ARMH1: variants seen among roughly 807,000 people sequenced by gnomAD.
The protein encoded by ARMH1 is armadillo-like helical domain containing protein 1.
Under a neutral mutation model 50.2 loss-of-function variants are expected in ARMH1, and 34 were observed. The observed-to-expected ratio is 0.68, with a 90% CI of 0.51 to 0.90. ARMH1 has a LOEUF of 0.90. ARMH1 is among the 40% of genes least tolerant of loss of function. ARMH1 has a pLI of 0.00. For synonymous variants in ARMH1, 221 were observed against 224.2 expected (o/e 0.99, Z 0.13); for missense variants, 538 against 553.9 (o/e 0.97, Z 0.29).
chr1:44,724,346 A>C lies in ARMH1; in HGVS notation c.874A>C (p.Ser292Arg). ...CCCCTCGGTTCTCCAGCTCACCCCC[A>C]GCCTGCCGATGTTTTTGCAGCAGGC... is the stretch of plus-strand genomic sequence containing the variant. ...SDPSVLQLTP[S>R]LPMFLQQAAA... Residue 292 changes from serine to arginine, a missense_variant, in exon 8 of 12, where the codon AGC (serine) becomes CGC (arginine). Coordinates refer to ENST00000535358, the MANE Select transcript of ARMH1 (RefSeq NM_001145636.2). This position sits in a 1 kb window ranked among gnomAD's most constrained non-coding sequence, Gnocchi z 6.4. The C allele has an allele frequency of 6.4e-7, 1 of 1,551,416 alleles. No homozygotes were observed. Among genetic ancestry groups the C allele is most frequent in the Non-Finnish European group, 8.7e-7 (1 of 1,146,948 alleles).
chr1:44,703,361 C>T (rs112626916), intron 5 of ARMH1, among the ~76,000 whole-genome samples: 4,165 of 152,190 alleles, frequency 0.027, 146 homozygotes, highest in African/African-American at 0.081. Flanking sequence ...TCCCTCTCCC[C>T]ATTCACCCAG....
At chr1:44,677,919 C>A (rs1224209289) in intron 1 of ARMH1, among the ~76,000 whole-genome samples, 1 of 152,056 alleles carries the variant, frequency 6.6e-6, no homozygotes, top group Non-Finnish European at 1.5e-5. Flanking sequence ...ACATGAGGCC[C>A]CCTCCTAAAC....
intron 6 of ARMH1, among the ~76,000 whole-genome samples, chr1:44,708,788 C>T (rs1171336387): frequency 2.0e-5 from 3 of 151,976 alleles, no homozygotes; most frequent in African/African-American, 7.3e-5. Context: ...TTAGCCACGT[C>T]CTCTGCTCTC....
In ARMH1 at chr1:44,725,062, C is replaced by T. The variant is rs944200276; in HGVS notation, c.1129-74C>T. On this transcript the variant is annotated intron_variant, in intron 10 of 11. Transcript: ENST00000535358. ...CCGACCCGCCCCCCACCTGCAACATCCCTCTGCCAAGCCCAACTCCAAGTC... is the reference window on the plus strand; with the variant it reads ...CCGACCCGCCCCCCACCTGCAACATTCCTCTGCCAAGCCCAACTCCAAGTC... 3.1e-5 allele frequency: 48 copies of T among 1,544,804 alleles called. No homozygotes were observed. In the East Asian group the frequency reaches 7.6e-4, roughly 24 times the overall value.
At chr1:44,710,391 C>G (rs1646549885) in intron 6 of ARMH1, among the ~76,000 whole-genome samples, 2 of 152,040 alleles carry the variant, frequency 1.3e-5, no homozygotes, top group Admixed American at 1.3e-4. Flanking sequence ...AGGTGGATCA[C>G]GAGGTCAGGA....
At chr1:44,691,915 C>G (rs1645671670) in intron 2 of ARMH1, among the ~76,000 whole-genome samples, 1 of 152,258 alleles carries the variant, frequency 6.6e-6, no homozygotes, top group African/African-American at 2.4e-5. Context: ...TGTCTGTGCT[C>G]AGGATCCCTG....
At chr1:44,684,179 C>T (rs1645396054) in intron 1 of ARMH1, among the ~76,000 whole-genome samples, 1 of 152,200 alleles carries the variant, frequency 6.6e-6, no homozygotes, top group Non-Finnish European at 1.5e-5. Flanking sequence ...TACAATTTAT[C>T]CCAGCAACTG....
intron 6 of ARMH1, among the ~76,000 whole-genome samples, chr1:44,710,477 T>C (rs533419132): frequency 1.3e-5 from 2 of 151,410 alleles, no homozygotes; most frequent in East Asian, 1.9e-4. Flanking sequence ...GGCGTGGTGG[T>C]GGGCGCCTGT....
At chr1:44,707,061 C>T (rs1646373579) in intron 6 of ARMH1, among the ~76,000 whole-genome samples, 1 of 152,108 alleles carries the variant, frequency 6.6e-6, no homozygotes, top group Non-Finnish European at 1.5e-5. Flanking sequence ...AATGTCAGCC[C>T]TTCTTCCTTT....
chr1:44,703,619 C>G (rs1374575809), intron 5 of ARMH1, among the ~76,000 whole-genome samples: 1 of 150,778 alleles, frequency 6.6e-6, no homozygotes, highest in African/African-American at 2.4e-5. Context: ...ATCCCAGCTA[C>G]TCAGAGGCTG....
intron 6 of ARMH1, among the ~76,000 whole-genome samples, chr1:44,710,467 G>A (rs1646554418): frequency 6.6e-6 from 1 of 151,838 alleles, no homozygotes; most frequent in Admixed American, 6.6e-5. Flanking sequence ...AAATTAGCCG[G>A]GCGTGGTGGT....
rs1395790881 is a variant in ARMH1, at chr1:44,725,542, AG to A, written c.*141del. ...GGGATTAGGCATCCCAGAGGGGCAGAGGAAGAGCCGCTGGCTGCGAAGAGTC... is the reference window on the plus strand; with the variant it reads ...GGGATTAGGCATCCCAGAGGGGCAGAGAAGAGCCGCTGGCTGCGAAGAGTC... On this transcript the variant is annotated 3_prime_UTR_variant, in exon 12 of 12. Transcript: ENST00000535358. 1.6e-5 allele frequency: 13 copies of A among 793,246 alleles called. No individual in the cohort carries two copies. The East Asian group carries it at 3.2e-4, about 20-fold the overall frequency. 49.1% of individuals were successfully genotyped at this position (793,246 alleles called of 1,614,324 possible). A position where few individuals can be genotyped will look rare whatever the true frequency, so the allele number is the denominator to read the frequency against.
chr1:44,719,815 G>GT (rs1472782867), intron 6 of ARMH1, among the ~76,000 whole-genome samples: 1 of 152,190 alleles, frequency 6.6e-6, no homozygotes, highest in African/African-American at 2.4e-5. Flanking sequence ...GTTGTGCCTG[G>GT]GTTGTATGAT....
At chr1:44,714,899 T>TG (rs1375522234) in intron 6 of ARMH1, among the ~76,000 whole-genome samples, 4 of 151,628 alleles carry the variant, frequency 2.6e-5, no homozygotes, top group East Asian at 1.9e-4. Context: ...CTTTTTTTGT[T>TG]GGGGGGGAAA....
intron 5 of ARMH1, among the ~76,000 whole-genome samples, chr1:44,702,310 A>T (rs1451290966): frequency 6.6e-6 from 1 of 152,110 alleles, no homozygotes. Flanking sequence ...GTGTTAAGTG[A>T]CTTACCCAAG....
At position 44,689,667 on chromosome 1, in the gene ARMH1, C is replaced by T. The variant is rs1268889668; in HGVS notation, c.-22-9C>T. On this transcript the variant is annotated splice_polypyrimidine_tract_variant and intron_variant, in intron 1 of 11. Coordinates refer to ENST00000535358, the MANE Select transcript of ARMH1 (RefSeq NM_001145636.2). ...TCCGGTAACCTGTCTCTTTTCCCTCCCTCTGTAGCCAACTTCAGGACTGAT... is the reference window on the plus strand; with the variant it reads ...TCCGGTAACCTGTCTCTTTTCCCTCTCTCTGTAGCCAACTTCAGGACTGAT... The T allele has an allele frequency of 9.1e-6, 14 of 1,544,296 alleles. No homozygotes were observed. The highest frequency in any genetic ancestry group is 1.2e-5 in the Non-Finnish European group (14 of 1,140,554).
intron 1 of ARMH1, among the ~76,000 whole-genome samples, chr1:44,677,443 T>C (rs1645173835): frequency 6.6e-6 from 1 of 152,100 alleles, no homozygotes; most frequent in Admixed American, 6.6e-5. Flanking sequence ...AAAACAGTGA[T>C]TGAAATGAAG....
At chr1:44,716,278 C>T (rs1357648111) in intron 6 of ARMH1, among the ~76,000 whole-genome samples, 3 of 152,188 alleles carry the variant, frequency 2.0e-5, no homozygotes, top group Non-Finnish European at 4.4e-5. Context: ...AAACAATAGT[C>T]GCTAATCTTT....
intron 2 of ARMH1, among the ~76,000 whole-genome samples, chr1:44,695,637 G>GA (rs895180878): frequency 6.6e-6 from 1 of 151,726 alleles, no homozygotes; most frequent in African/African-American, 2.4e-5. Context: ...CAAAAAGGAA[G>GA]AAAAAAACAA....
Sources: gnomAD v4.1 joint callset for allele counts (sites outside exome capture counted in the v4.1 genomes callset) on GRCh38, gnomAD v4.1.1 for gene constraint, Gnocchi (gnomAD v3.1) non-coding constraint, MANE v1.5 for transcripts, NCBI Gene and HGNC (gene_info 2026-07-23, HGNC 2026-07-21) for gene names.